ANKRD33B: variants seen among roughly 807,000 people sequenced by gnomAD.
ANKRD33B encodes ankyrin repeat domain 33B.
In ANKRD33B, 6 loss-of-function variants were observed where a neutral mutation model predicts 21.5. The ratio of observed to expected loss-of-function variants is 0.28; its 90% CI spans 0.15 to 0.55. The LOEUF (loss-of-function observed/expected upper bound fraction) is 0.55, where lower values mean the gene tolerates loss of function less well. Among genes scored for constraint, ANKRD33B ranks in the 20% least tolerant of loss-of-function variants. The pLI, the probability that ANKRD33B is intolerant of heterozygous loss-of-function variation, is 0.94. For synonymous variants in ANKRD33B, 347 were observed against 342.4 expected (o/e 1.01, Z -0.15); for missense variants, 698 against 747.2 (o/e 0.93, Z 0.77).
chr5:10,618,034 A>G (rs1461698691), intron 1 of ANKRD33B, among the ~76,000 whole-genome samples: 5 of 152,098 alleles, frequency 3.3e-5, no homozygotes, highest in African/African-American at 1.2e-4. Context: ...TTTCTCTACG[A>G]GCCCCATAGT....
At chr5:10,647,759 G>A (rs989430047) in intron 3 of ANKRD33B, among the ~76,000 whole-genome samples, 5 of 152,192 alleles carry the variant, frequency 3.3e-5, no homozygotes, top group African/African-American at 4.8e-5. Flanking sequence ...AGTAGATGCC[G>A]CAGTCTTGAG....
At chr5:10,592,714 T>C (rs903608735) in intron 1 of ANKRD33B, among the ~76,000 whole-genome samples, 3 of 152,094 alleles carry the variant, frequency 2.0e-5, no homozygotes, top group African/African-American at 7.2e-5. Context: ...TGGCCACCTG[T>C]CTGCTCCTCA....
At chr5:10,635,522 C>A (rs1490582142) in intron 2 of ANKRD33B, among the ~76,000 whole-genome samples, 1 of 152,222 alleles carries the variant, frequency 6.6e-6, no homozygotes, top group Non-Finnish European at 1.5e-5. Context: ...CCTTTGTTTC[C>A]TGCTTATAAC....
intron 1 of ANKRD33B, among the ~76,000 whole-genome samples, chr5:10,599,373 A>G (rs1735883327): frequency 6.6e-6 from 1 of 152,098 alleles, no homozygotes; most frequent in Non-Finnish European, 1.5e-5. Context: ...AAAATTGTTC[A>G]TTTTAACCAT....
intron 2 of ANKRD33B, among the ~76,000 whole-genome samples, chr5:10,635,523 T>C (rs1736836994): frequency 6.6e-6 from 1 of 152,234 alleles, no homozygotes; most frequent in African/African-American, 2.4e-5. Context: ...CTTTGTTTCC[T>C]GCTTATAACC....
chr5:10,598,489 A>G (rs1735864198), intron 1 of ANKRD33B, among the ~76,000 whole-genome samples: 2 of 152,126 alleles, frequency 1.3e-5, no homozygotes, highest in South Asian at 4.1e-4. Context: ...CTGGTCTCGA[A>G]CACCTGACCT....
At chr5:10,589,134 C>T (rs1735629184) in intron 1 of ANKRD33B, among the ~76,000 whole-genome samples, 1 of 152,130 alleles carries the variant, frequency 6.6e-6, no homozygotes, top group Non-Finnish European at 1.5e-5. Flanking sequence ...TGCTGAGTCT[C>T]GTGCTTCCTT....
chr5:10,643,239 G>A (rs772530874), intron 3 of ANKRD33B, among the ~76,000 whole-genome samples: 3 of 152,096 alleles, frequency 2.0e-5, no homozygotes, highest in Non-Finnish European at 2.9e-5. Flanking sequence ...AACATGCAGA[G>A]CCAGATAATT....
intron 3 of ANKRD33B, among the ~76,000 whole-genome samples, chr5:10,646,340 A>G (rs1737188481): frequency 6.6e-6 from 1 of 152,186 alleles, no homozygotes; most frequent in Non-Finnish European, 1.5e-5. Context: ...ATAAAATGTT[A>G]ATAATCGGTA....
chr5:10,597,370 G>A (rs1245570023), intron 1 of ANKRD33B, among the ~76,000 whole-genome samples: 1 of 152,018 alleles, frequency 6.6e-6, no homozygotes, highest in Non-Finnish European at 1.5e-5. Context: ...GGGGAAAACA[G>A]GAAAAAGCAG....
At chr5:10,586,713 A>T (rs1735571713) in intron 1 of ANKRD33B, among the ~76,000 whole-genome samples, 1 of 152,140 alleles carries the variant, frequency 6.6e-6, no homozygotes, top group African/African-American at 2.4e-5. Flanking sequence ...TTGGTGAGGG[A>T]TCTTTCCAGT....
In ANKRD33B at chr5:10,650,040, A is replaced by G; in HGVS notation, c.1412A>G (p.Glu471Gly). ...KEAKEEKRKA[E>G]EAEKKRQAEA... ...GCCAAGGAGGAGAAGAGGAAGGCAGAGGAGGCCGAAAAGAAGCGCCAGGCC... is the reference window on the plus strand; with the variant it reads ...GCCAAGGAGGAGAAGAGGAAGGCAGGGGAGGCCGAAAAGAAGCGCCAGGCC... Residue 471 changes from glutamate (E) to glycine (G), a missense_variant, in exon 4 of 4, where the codon GAG (glutamate) becomes GGG (glycine). Around this residue, in one of 3 missense-constraint regions of ANKRD33B, gnomAD observed 543 missense variants for 566.5 expected, o/e 0.96. Transcript: ENST00000296657. The G allele has an allele frequency of 6.5e-7, 1 of 1,530,778 alleles. No individual in the cohort carries two copies. The highest frequency in any genetic ancestry group is 8.7e-7 in the Non-Finnish European group (1 of 1,143,346). The allele number at this position is 1,530,778 out of a possible 1,614,324, so 94.8% of individuals were successfully genotyped here. A position where few individuals can be genotyped will look rare whatever the true frequency, so the allele number is the denominator to read the frequency against.
At chr5:10,607,651 G>A (rs1046968032) in intron 1 of ANKRD33B, among the ~76,000 whole-genome samples, 3 of 152,206 alleles carry the variant, frequency 2.0e-5, no homozygotes, top group Non-Finnish European at 2.9e-5. Context: ...TTCACAGACC[G>A]TCGCCCATAC....
chr5:10,623,441 C>T (rs776880404), intron 2 of ANKRD33B, among the ~76,000 whole-genome samples: 1 of 152,190 alleles, frequency 6.6e-6, no homozygotes, highest in Non-Finnish European at 1.5e-5. Flanking sequence ...TCTTCATCTG[C>T]TTAGGCTGTG....
intron 2 of ANKRD33B, among the ~76,000 whole-genome samples, chr5:10,628,591 G>A (rs764111695): frequency 2.0e-5 from 3 of 152,104 alleles, no homozygotes; most frequent in South Asian, 4.1e-4. Context: ...TGGCCTCTTC[G>A]GGCCTTGGCC....
chr5:10,567,160 G>A (rs1579705434), intron 1 of ANKRD33B, among the ~76,000 whole-genome samples: 1 of 152,306 alleles, frequency 6.6e-6, no homozygotes, highest in South Asian at 2.1e-4. Flanking sequence ...AGCAGGGCTT[G>A]TGTTCTGTGC....
At position 10,575,065 on chromosome 5, in the gene ANKRD33B, A is replaced by G. The variant is rs1348053318; in HGVS notation, c.366+10232A>G. On this transcript the variant is annotated intron_variant, in intron 1 of 3. Transcript: ENST00000296657. ...GATGGTGCCACTGCACTCAGCCTGG[A>G]TGACACAATGAAACCCTGTTTCCAA... Among the ~76,000 whole-genome samples, 7 of 54,890 alleles carry G rather than the reference A, an allele frequency of 1.3e-4. 3 individuals are homozygous for G. Among genetic ancestry groups the G allele is most frequent in the Non-Finnish European group, 3.6e-4 (7 of 19,412 alleles). 36.0% of individuals were successfully genotyped at this position (54,890 alleles called of 152,430 possible).
chr5:10,583,380 G>C (rs34646875), intron 1 of ANKRD33B, among the ~76,000 whole-genome samples: 9,766 of 152,290 alleles, frequency 0.064, 410 homozygotes, highest in Middle Eastern at 0.1. Context: ...CTTAAAAATA[G>C]GATAGGTCTC....
At position 10,649,546 on chromosome 5, in the gene ANKRD33B, C is replaced by G; in HGVS notation, c.918C>G (p.Asp306Glu). The G allele has an allele frequency of 6.5e-7, 1 of 1,530,700 alleles. No individual in the cohort carries two copies. The highest frequency in any genetic ancestry group is 8.7e-7 in the Non-Finnish European group (1 of 1,144,078). The allele number at this position is 1,530,700 out of a possible 1,614,324, so 94.8% of individuals were successfully genotyped here. A position where few individuals can be genotyped will look rare whatever the true frequency, so the allele number is the denominator to read the frequency against. Residue 306 changes from aspartate (D) to glutamate (E), a missense_variant, in exon 4 of 4, where the codon GAC (aspartate) becomes GAG (glutamate). Transcript: ENST00000296657. The part of the protein sequence containing the change: ...VRGPEDGGVL[D>E]HMVRMTTSLY... ...GCCCGGAGGACGGGGGCGTCCTGGA[C>G]CACATGGTCCGGATGACCACGAGCC...
Sources: gnomAD v4.1 joint callset for allele counts (sites outside exome capture counted in the v4.1 genomes callset) on GRCh38, gnomAD v4.1.1 for gene constraint, gnomAD v4.1.1 regional missense constraint, MANE v1.5 for transcripts, NCBI Gene and HGNC (gene_info 2026-07-23, HGNC 2026-07-21) for gene names.